Variants in VWA8 observed in about 807,000 individuals in gnomAD.
The protein encoded by VWA8 is von Willebrand factor A domain-containing protein 8.
A neutral mutation model predicts 241.5 loss-of-function variants in VWA8; 221 were observed. The ratio of observed to expected loss-of-function variants is 0.91; its 90% CI spans 0.82 to 1.02. The LOEUF (loss-of-function observed/expected upper bound fraction) is 1.02. VWA8 is among the 50% of genes least tolerant of loss of function. VWA8 has a pLI of 0.00. For missense variants in VWA8, 2,322 were observed against 2,328.7 expected (o/e 1.00, Z 0.06); for synonymous variants, 852 against 827.1 (o/e 1.03, Z -0.52).
At chr13:41,958,832 C>A (rs912725258) in intron 1 of VWA8, among the ~76,000 whole-genome samples, 2 of 152,190 alleles carry the variant, frequency 1.3e-5, no homozygotes, top group Non-Finnish European at 2.9e-5. Flanking sequence ...ATGTCCATGA[C>A]TCTCACATTT....
At chr13:41,737,731 A>C (rs534383426) in intron 21 of VWA8, among the ~76,000 whole-genome samples, 130 of 152,324 alleles carry the variant, frequency 8.5e-4, no homozygotes, top group Admixed American at 1.9e-3. Flanking sequence ...TAACTATTTG[A>C]CATGATGGGT....
chr13:41,915,572 C>T (rs1405325864), intron 2 of VWA8, among the ~76,000 whole-genome samples: 1 of 152,180 alleles, frequency 6.6e-6, no homozygotes, highest in Non-Finnish European at 1.5e-5. Context: ...TTTCTCAAGG[C>T]CTCTGTTGCC....
chr13:41,745,190 G>T (rs1334899702), intron 21 of VWA8, among the ~76,000 whole-genome samples: 1 of 151,754 alleles, frequency 6.6e-6, no homozygotes, highest in Non-Finnish European at 1.5e-5. Flanking sequence ...TGCACAATGT[G>T]CAGGTTTGTT....
chr13:41,950,107 A>C, intron 1 of VWA8, 94 bp from the exon 2 acceptor site: 2 of 698,770 alleles, frequency 2.9e-6, no homozygotes, highest in Non-Finnish European at 4.7e-6. Flanking sequence ...ACAGAGAGGG[A>C]TGTTACAGAA....
At position 41,720,416 on chromosome 13, in the gene VWA8, T is replaced by G. The variant is rs185499423; in HGVS notation, c.2965-674A>C. Among the ~76,000 whole-genome samples, 510 of 152,242 alleles carry G rather than the reference T, an allele frequency of 3.3e-3. 4 individuals carry two copies. Among genetic ancestry groups the G allele is most frequent in the Middle Eastern group, 6.8e-3 (2 of 294 alleles). On this transcript the variant is annotated intron_variant, in intron 25 of 44. Coordinates refer to ENST00000379310, the MANE Select transcript of VWA8 (RefSeq NM_015058.2). ...TTGATTTCTTTCCATATATTTTTAA[T>G]TGACAAATAATAACTGTATATATTT...
chr13:41,599,942 C>G (rs2044510892), intron 40 of VWA8, among the ~76,000 whole-genome samples: 1 of 152,198 alleles, frequency 6.6e-6, no homozygotes, highest in South Asian at 2.1e-4. Flanking sequence ...AGCGCTGCTG[C>G]TTTCAAACGC....
At chr13:41,879,742 T>A (rs1874080783) in intron 9 of VWA8, among the ~76,000 whole-genome samples, 1 of 152,070 alleles carries the variant, frequency 6.6e-6, no homozygotes, top group South Asian at 2.1e-4. Flanking sequence ...TATTAATAGA[T>A]ACACAGAGGG....
At chr13:41,783,218 A>G (rs1868971341) in intron 19 of VWA8, among the ~76,000 whole-genome samples, 1 of 148,436 alleles carries the variant, frequency 6.7e-6, no homozygotes, top group Non-Finnish European at 1.5e-5. Flanking sequence ...TATACTTAAT[A>G]TACTTAATAT....
At chr13:41,734,477 T>C (rs772071085) in intron 21 of VWA8, among the ~76,000 whole-genome samples, 9 of 152,196 alleles carry the variant, frequency 5.9e-5, no homozygotes, top group African/African-American at 1.7e-4. Flanking sequence ...TGGAGTTGAA[T>C]TGGAACTTAT....
At chr13:41,750,481 G>T (rs1299262909) in intron 21 of VWA8, among the ~76,000 whole-genome samples, 1 of 119,360 alleles carries the variant, frequency 8.4e-6, no homozygotes, top group Non-Finnish European at 1.9e-5. Context: ...AAAAAAAAAA[G>T]GAAAAAAAGA....
In VWA8 at chr13:41,615,020, T is replaced by A; in HGVS notation, c.4676A>T (p.Asp1559Val). 1 of 1,613,914 alleles carries A rather than the reference T, an allele frequency of 6.2e-7. No homozygotes were observed. Among genetic ancestry groups the A allele is most frequent in the Non-Finnish European group, 8.5e-7 (1 of 1,179,972 alleles). The change falls in exon 38 of 45, where the codon GAC becomes GTC. Residue 1559 changes from aspartate to valine, a missense_variant. Coordinates refer to ENST00000379310, the MANE Select transcript of VWA8 (RefSeq NM_015058.2). ...GTTGCCGCCCACGTGAGGCATGTTGTCTGGGTCCTCCTTCCCGTGTTTGGG... is the reference window on the plus strand; with the variant it reads ...GTTGCCGCCCACGTGAGGCATGTTGACTGGGTCCTCCTTCCCGTGTTTGGG... ...SSPKHGKEDP[D>V]NMPHVGGNTW... is the part of the protein sequence containing the mutation.
chr13:41,611,522 C>A (rs1240994967), intron 39 of VWA8, 54 bp downstream of exon 39: 2 of 1,583,800 alleles, frequency 1.3e-6, no homozygotes, highest in Admixed American at 1.7e-5. Context: ...CACAGTCCAT[C>A]ATGACATTTC....
chr13:41,777,298 C>T (rs2137928211), intron 20 of VWA8, among the ~76,000 whole-genome samples: 1 of 152,164 alleles, frequency 6.6e-6, no homozygotes, highest in East Asian at 1.9e-4. Context: ...ACCTATTCAG[C>T]CAGGGACAAG....
In VWA8 at chr13:41,744,829, T is replaced by A. The variant is rs923387434; in HGVS notation, c.2427-12674A>T. On this transcript the variant is annotated intron_variant, in intron 21 of 44. Coordinates refer to ENST00000379310, the MANE Select transcript of VWA8 (RefSeq NM_015058.2). ...ATACTGACTTGTTTAATTTATTTATTTTTATTTATTTATTTATTTATTTTT... is the reference window on the plus strand; with the variant it reads ...ATACTGACTTGTTTAATTTATTTATATTTATTTATTTATTTATTTATTTTT... 1.8e-4 allele frequency among the ~76,000 whole-genome samples: 28 copies of A among 151,784 alleles called. 1 individual carries two copies. Among genetic ancestry groups the A allele is most frequent in the Non-Finnish European group, 2.9e-5 (2 of 67,940 alleles).
At chr13:41,785,311 A>T (rs1209404524) in intron 18 of VWA8, among the ~76,000 whole-genome samples, 2 of 152,216 alleles carry the variant, frequency 1.3e-5, no homozygotes, top group South Asian at 2.1e-4. Flanking sequence ...AGCTAATATG[A>T]GTAGAGCTTA....
intron 34 of VWA8, 123 bp downstream of exon 34, chr13:41,689,231 A>AT: frequency 2.8e-6 from 3 of 1,087,208 alleles, no homozygotes; most frequent in Non-Finnish European, 3.8e-6. Flanking sequence ...TGGAAGGAAG[A>AT]CTTGATCCAA....
chr13:41,665,566 A>T (rs1161544292), intron 37 of VWA8, among the ~76,000 whole-genome samples: 1 of 150,650 alleles, frequency 6.6e-6, no homozygotes, highest in Non-Finnish European at 1.5e-5. Flanking sequence ...AATTAAGTAC[A>T]TTAAGTAAGT....
At chr13:41,837,851 T>C (rs1871811754) in intron 12 of VWA8, among the ~76,000 whole-genome samples, 1 of 152,142 alleles carries the variant, frequency 6.6e-6, no homozygotes, top group Admixed American at 6.5e-5. Context: ...CTTAAGAGAA[T>C]AAAAATAGCA....
At chr13:41,682,232 AT>A (rs373311043) in intron 35 of VWA8, among the ~76,000 whole-genome samples, 2 of 151,992 alleles carry the variant, frequency 1.3e-5, no homozygotes, top group South Asian at 2.1e-4. Flanking sequence ...TGGGCAGCTG[AT>A]TTTCAGCAGA....
Sources: gnomAD v4.1 joint callset for allele counts (sites outside exome capture counted in the v4.1 genomes callset) on GRCh38, gnomAD v4.1.1 for gene constraint, MANE v1.5 for transcripts, NCBI Gene and HGNC (gene_info 2026-07-23, HGNC 2026-07-21) for gene names.